PIP4P1: variants seen among roughly 807,000 people sequenced by gnomAD.
PIP4P1 encodes type 1 phosphatidylinositol 4,5-bisphosphate 4-phosphatase.
Under a neutral mutation model 32.3 loss-of-function variants are expected in PIP4P1, and 14 were observed. The ratio of observed to expected loss-of-function variants is 0.43; its 90% CI spans 0.29 to 0.68. The LOEUF (loss-of-function observed/expected upper bound fraction) is 0.68, where lower values mean the gene tolerates loss of function less well. Ranked by LOEUF, PIP4P1 falls within the 30% of genes least tolerant of loss-of-function variation. PIP4P1 has a pLI of 0.15. For synonymous variants in PIP4P1, 132 were observed against 137.9 expected (o/e 0.96, Z 0.30); for missense variants, 289 against 364.5 (o/e 0.79, Z 1.69).
At chr14:20,458,794 C>T (rs1468214076) in intron 6 of PIP4P1, 92 bp from the exon 7 acceptor site, 20 of 1,476,670 alleles carry the variant, frequency 1.4e-5, no homozygotes, top group South Asian at 4.0e-5. Flanking sequence ...TAATAACTCA[C>T]GCTTCAGTCC....
intron 2 of PIP4P1, 157 bp from the exon 3 acceptor site, chr14:20,460,455 C>T (rs1881658321): frequency 4.0e-6 from 3 of 750,876 alleles, no homozygotes; most frequent in Non-Finnish European, 4.3e-6. Flanking sequence ...AGGAACTAGG[C>T]TAGGTGTAAA....
Position 20,458,253 on chromosome 14 carries a change from T to A in PIP4P1, c.*306A>T, listed in dbSNP as rs1881530824. 5.8e-6 allele frequency: 3 copies of A among 515,634 alleles called. No homozygotes were observed. The highest frequency in any genetic ancestry group is 1.1e-5 in the Non-Finnish European group (3 of 265,802). 31.9% of individuals were successfully genotyped at this position (515,634 alleles called of 1,614,324 possible). On this transcript the variant is annotated 3_prime_UTR_variant, in exon 7 of 7. Coordinates refer to ENST00000250489, the MANE Select transcript of PIP4P1 (RefSeq NM_144568.4). ...AATGTGTAAGGGACAGGAATGGCTC[T>A]CAGGGAGCACACAGGAAGGACAAGG...
Position 20,458,111 on chromosome 14 carries a change from CTG to C in PIP4P1, c.*446_*447del. 2.8e-6 allele frequency: 1 copy of C among 363,368 alleles called. No homozygotes were observed. The highest frequency in any genetic ancestry group is 5.4e-6 in the Non-Finnish European group (1 of 184,970). The allele number at this position is 363,368 out of a possible 1,614,324, so 22.5% of individuals were successfully genotyped here. ...CAGGACACAATGTGGGGAGAGGAGACTGAGGGTACTGAGGCCAGAGCCAACCT... is the reference window on the plus strand; with the variant it reads ...CAGGACACAATGTGGGGAGAGGAGACAGGGTACTGAGGCCAGAGCCAACCT... On this transcript the variant is annotated 3_prime_UTR_variant, in exon 7 of 7. Coordinates refer to ENST00000250489, the MANE Select transcript of PIP4P1 (RefSeq NM_144568.4).
Position 20,460,712 on chromosome 14 carries a change from G to A in PIP4P1, c.276C>T (p.Asn92=), listed in dbSNP as rs150985847. 52 of 1,613,956 alleles carry A rather than the reference G, an allele frequency of 3.2e-5. No homozygotes were observed. The African/African-American group carries it at 5.3e-4, about 17-fold the overall frequency. The change falls in exon 2 of 7, where the codon AAC becomes AAT. Residue 92 remains asparagine (N), a synonymous_variant. Coordinates refer to ENST00000250489, the MANE Select transcript of PIP4P1 (RefSeq NM_144568.4). The part of the protein sequence containing the change: ...ITCRVCQSLI[N]VEGKMHQHVV... The stretch of plus-strand genomic sequence containing the variant: ...CATGCTGATGCATCTTGCCTTCCAC[G>A]TTGATGAGAGATTGGCAGACTCGGC...
At chr14:20,459,910 G>A in intron 3 of PIP4P1, 177 bp from the exon 4 acceptor site, 3 of 628,748 alleles carry the variant, frequency 4.8e-6, no homozygotes, top group Non-Finnish European at 8.3e-6. Flanking sequence ...CCTTGAGAAA[G>A]AAAGAGCACT....
intron 3 of PIP4P1, 24 bp downstream of exon 3, chr14:20,460,168 C>T (rs1232783753): frequency 1.9e-6 from 3 of 1,577,712 alleles, no homozygotes; most frequent in Admixed American, 3.3e-5. Context: ...CCACTTAGGC[C>T]CTTCCCCACC....
Position 20,458,149 on chromosome 14 carries a change from G to A in PIP4P1, c.*410C>T, listed in dbSNP as rs1344776697. On this transcript the variant is annotated 3_prime_UTR_variant, in exon 7 of 7. Transcript: ENST00000250489. ...GGCCAGAGCCAACCTCTGGTGAAGT[G>A]CAATAGCAGCAGCAAAGTCCTAATG... 7.9e-6 allele frequency: 3 copies of A among 379,586 alleles called. No individual in the cohort carries two copies. The highest frequency in any genetic ancestry group is 3.3e-5 in the Admixed American group (1 of 29,894). 23.5% of individuals were successfully genotyped at this position (379,586 alleles called of 1,614,324 possible).
Position 20,460,794 on chromosome 14 carries a change from G to A in PIP4P1, c.194C>T (p.Pro65Leu), listed in dbSNP as rs573129044. 1 of 1,598,012 alleles carries A rather than the reference G, an allele frequency of 6.3e-7. No individual in the cohort carries two copies. The highest frequency in any genetic ancestry group is 1.1e-5 in the South Asian group (1 of 88,694). Residue 65 changes from proline (P) to leucine (L), a missense_variant, in exon 2 of 7, where the codon CCA (proline) becomes CTA (leucine). By Grantham distance (98) the Pro-to-Leu change is moderately conservative (BLOSUM62 -3). Coordinates refer to ENST00000250489, the MANE Select transcript of PIP4P1 (RefSeq NM_144568.4). Reference sequence around the variant, plus strand: ...GCTAGTTAAGGGTGAATAGGGGGGTGGGTCCTCCCCAGGCAACACGGCTGG... The same window carrying A: ...GCTAGTTAAGGGTGAATAGGGGGGTAGGTCCTCCCCAGGCAACACGGCTGG... Reference protein sequence around the residue: ...GHPAVLPGEDPPPYSPLTSPD... With the variant: ...GHPAVLPGEDLPPYSPLTSPD...
chr14:20,461,333 A>G lies in PIP4P1; in HGVS notation c.-8T>C. On this transcript the variant is annotated 5_prime_UTR_variant, in exon 1 of 7. Transcript: ENST00000250489. ...CTCTCCATCTGCCGCCATGGCCGCC[A>G]CCGCCGCCTCCCGCTCAGGTCGGCG... 7.8e-7 allele frequency: 1 copy of G among 1,281,204 alleles called. No individual in the cohort carries two copies. Among genetic ancestry groups the G allele is most frequent in the Non-Finnish European group, 9.9e-7 (1 of 1,014,728 alleles). 79.4% of individuals were successfully genotyped at this position (1,281,204 alleles called of 1,614,324 possible).
Position 20,458,479 on chromosome 14 carries a change from C to G in PIP4P1, c.*80G>C. 2 of 1,597,072 alleles carry G rather than the reference C, an allele frequency of 1.3e-6. No homozygotes were observed. The highest frequency in any genetic ancestry group is 1.7e-6 in the Non-Finnish European group (2 of 1,170,924). Reference sequence around the variant, plus strand: ...GGCTTCCTTCTAGAAGCCCCGGGAGCCTTTAACTACCCCAGCTCCCTTCGT... The same window carrying G: ...GGCTTCCTTCTAGAAGCCCCGGGAGGCTTTAACTACCCCAGCTCCCTTCGT... On this transcript the variant is annotated 3_prime_UTR_variant, in exon 7 of 7. Coordinates refer to ENST00000250489, the MANE Select transcript of PIP4P1 (RefSeq NM_144568.4).
Position 20,460,817 on chromosome 14 carries a change from T to C in PIP4P1, c.171A>G (p.Pro57=), listed in dbSNP as rs1429294926. Residue 57 remains proline (P), a synonymous_variant, in exon 2 of 7, where the codon CCA becomes CCG. Coordinates refer to ENST00000250489, the MANE Select transcript of PIP4P1 (RefSeq NM_144568.4). ...AAFPPFPEGH[P]AVLPGEDPPP... ...GTGGGTCCTCCCCAGGCAACACGGC[T>C]GGATGCCCCTCGGGAAACGGGGGAA... The C allele has an allele frequency of 1.9e-6, 3 of 1,570,248 alleles. No individual in the cohort carries two copies. The highest frequency in any genetic ancestry group is 2.6e-6 in the Non-Finnish European group (3 of 1,160,704).
chr14:20,461,320 C>T lies in PIP4P1; in HGVS notation c.6G>A (p.Ala2=), dbSNP rs1881704583. 1 of 1,285,746 alleles carries T rather than the reference C, an allele frequency of 7.8e-7. No individual in the cohort carries two copies. Among genetic ancestry groups the T allele is most frequent in the Non-Finnish European group, 9.8e-7 (1 of 1,016,654 alleles). 79.6% of individuals were successfully genotyped at this position (1,285,746 alleles called of 1,614,324 possible). Residue 2 remains alanine (A), a synonymous_variant, in exon 1 of 7, where the codon GCG becomes GCA. Transcript: ENST00000250489. ...GCAGCGGGGAACGCTCTCCATCTGC[C>T]GCCATGGCCGCCACCGCCGCCTCCC... M[A]ADGERSPLLS... is the part of the protein sequence containing the mutation.
In PIP4P1 at chr14:20,458,456, C is replaced by T. The variant is rs1200947450; in HGVS notation, c.*103G>A. On this transcript the variant is annotated 3_prime_UTR_variant, in exon 7 of 7. Transcript: ENST00000250489. ...AGGGAAAAGGAAGGCAGCTGCTTGG[C>T]TTCCTTCTAGAAGCCCCGGGAGCCT... 22 of 1,554,998 alleles carry T rather than the reference C, an allele frequency of 1.4e-5. No homozygotes were observed. The highest frequency in any genetic ancestry group is 1.9e-5 in the Non-Finnish European group (22 of 1,141,554).
At chr14:20,460,897 C>A in intron 1 of PIP4P1, 52 bp from the exon 2 acceptor site, 2 of 1,485,252 alleles carry the variant, frequency 1.3e-6, no homozygotes, top group South Asian at 2.7e-5. Context: ...CCCACTGATG[C>A]TCCACGGTGG....
chr14:20,459,812 T>C (rs1249422797), intron 3 of PIP4P1, 79 bp from the exon 4 acceptor site: 2 of 1,076,726 alleles, frequency 1.9e-6, no homozygotes, highest in African/African-American at 3.1e-5. Context: ...ACAGTCCCTG[T>C]TCCACATCCC....
rs1881708247 is a variant in PIP4P1 at position 20,461,383 on chromosome 14, T to TCGCCGCAGCCACCGCCACCGC, written c.-79_-59dup. The stretch of plus-strand genomic sequence containing the variant: ...GATCCGGCTCCCTTCGCCTCTGCCG[T>TCGCCGCAGCCACCGCCACCGC]CGCCGCAGCCACCGCCACCGCCGCC... On this transcript the variant is annotated 5_prime_UTR_variant, in exon 1 of 7. Transcript: ENST00000250489. 3 of 1,238,578 alleles carry TCGCCGCAGCCACCGCCACCGC rather than the reference T, an allele frequency of 2.4e-6. No individual in the cohort carries two copies. Among genetic ancestry groups the TCGCCGCAGCCACCGCCACCGC allele is most frequent in the African/African-American group, 1.6e-5 (1 of 64,266 alleles). The allele number at this position is 1,238,578 out of a possible 1,614,324, so 76.7% of individuals were successfully genotyped here.
At chr14:20,459,950 C>T (rs536212081) in intron 3 of PIP4P1, 12 of 612,918 alleles carry the variant, frequency 2.0e-5, no homozygotes, top group Admixed American at 8.7e-5. Context: ...AATTCCCCTC[C>T]GACCTCAGGA....
rs1881713411 is a variant in PIP4P1 at position 20,461,408 on chromosome 14, C to CACCGCCACCGCCGCT, written c.-98_-84dup. The CACCGCCACCGCCGCT allele has an allele frequency of 1.9e-5, 23 of 1,214,104 alleles. No individual in the cohort carries two copies. Among genetic ancestry groups the CACCGCCACCGCCGCT allele is most frequent in the Admixed American group, 4.2e-5 (1 of 23,570 alleles). 75.2% of individuals were successfully genotyped at this position (1,214,104 alleles called of 1,614,324 possible). A position where few individuals can be genotyped will look rare whatever the true frequency, so the allele number is the denominator to read the frequency against. On this transcript the variant is annotated 5_prime_UTR_variant, in exon 1 of 7. Coordinates refer to ENST00000250489, the MANE Select transcript of PIP4P1 (RefSeq NM_144568.4). ...TCGCCGCAGCCACCGCCACCGCCGC[C>CACCGCCACCGCCGCT]ACCGCCACCGCCGCTACCGGGTCCC...
At position 20,461,273 on chromosome 14, in the gene PIP4P1, C is replaced by T; in HGVS notation, c.53G>A (p.Gly18Asp). The T allele has an allele frequency of 7.0e-6, 9 of 1,285,572 alleles. No homozygotes were observed. Among genetic ancestry groups the T allele is most frequent in the Non-Finnish European group, 8.9e-6 (9 of 1,013,048 alleles). 79.6% of individuals were successfully genotyped at this position (1,285,572 alleles called of 1,614,324 possible). A position where few individuals can be genotyped will look rare whatever the true frequency, so the allele number is the denominator to read the frequency against. The change falls in exon 1 of 7, where the codon GGC (glycine) becomes GAC (aspartate). Residue 18 changes from glycine to aspartate, a missense_variant. Physicochemically the swap from Gly to Asp is moderately conservative, Grantham distance 94. Around this residue, in one of 2 missense-constraint regions of PIP4P1, gnomAD observed 108 missense variants for 101.2 expected, o/e 1.07. Coordinates refer to ENST00000250489, the MANE Select transcript of PIP4P1 (RefSeq NM_144568.4). Reference sequence around the variant, plus strand: ...CCCCACTAAACCGTTGCCGCCCGCGCCACCGTCGATGGGCTCAGACAGCAG... The same window carrying T: ...CCCCACTAAACCGTTGCCGCCCGCGTCACCGTCGATGGGCTCAGACAGCAG... ...SPLLSEPIDG[G>D]AGGNGLVGPG...
Sources: allele counts gnomAD v4.1 joint callset, GRCh38; gene constraint gnomAD v4.1.1; regional missense constraint gnomAD v4.1.1; transcripts MANE v1.5; gene names NCBI Gene and HGNC (gene_info 2026-07-23, HGNC 2026-07-21).